The following GNG7 variants were observed in gnomAD, a reference collection of about 807,000 sequenced individuals.
GNG7 encodes guanine nucleotide-binding protein G(I)/G(S)/G(O) subunit gamma-7.
In GNG7, 1 loss-of-function variant was observed where a neutral mutation model predicts 4.0. The ratio of observed to expected loss-of-function variants is 0.25; its 90% confidence interval spans 0.09 to 1.18. GNG7 has a LOEUF of 1.18. GNG7 is among the 50% of genes most tolerant of loss of function. The pLI is 0.50. For synonymous variants in GNG7, 34 were observed against 36.9 expected (o/e 0.92, Z 0.29); for missense variants, 86 against 91.9 (o/e 0.94, Z 0.26).
intron 3 of GNG7, 103 bp from the exon 4 acceptor site, chr19:2,520,828 C>A: frequency 1.7e-6 from 1 of 602,864 alleles, no homozygotes; most frequent in Non-Finnish European, 3.0e-6. Context: ...CTAGGCACGG[C>A]CACTTTGCCT....
chr19:2,553,400 A>ATATACATATG (rs1568240850), intron 3 of GNG7, among the ~76,000 whole-genome samples: 1 of 146,948 alleles, frequency 6.8e-6, no homozygotes, highest in Non-Finnish European at 1.5e-5. Context: ...ATATATACAT[A>ATATACATATG]TATATATGTA....
intron 2 of GNG7, among the ~76,000 whole-genome samples, chr19:2,589,370 ACTTT>A (rs1175653276): frequency 1.4e-5 from 1 of 73,146 alleles, no homozygotes; most frequent in Non-Finnish European, 2.6e-5. Context: ...CTACAGGTGC[ACTTT>A]TTTTTTTTTT....
intron 1 of GNG7, among the ~76,000 whole-genome samples, chr19:2,649,685 G>A (rs1189520694): frequency 6.6e-6 from 1 of 152,138 alleles, no homozygotes. Context: ...ACCGCGCCCA[G>A]CCAGGAATCA....
At chr19:2,665,500 G>T (rs929569204) in intron 1 of GNG7, among the ~76,000 whole-genome samples, 1 of 152,186 alleles carries the variant, frequency 6.6e-6, no homozygotes, top group Non-Finnish European at 1.5e-5. Context: ...GAAAGAAAAT[G>T]AGAACGAACG....
intron 3 of GNG7, among the ~76,000 whole-genome samples, chr19:2,550,680 G>C (rs771329529): frequency 6.6e-6 from 1 of 152,126 alleles, no homozygotes; most frequent in Non-Finnish European, 1.5e-5. Flanking sequence ...CAAGTCTCGT[G>C]ACTCCAATCC....
intron 3 of GNG7, among the ~76,000 whole-genome samples, chr19:2,521,430 T>TG (rs1170216472): frequency 1.3e-5 from 2 of 151,938 alleles, no homozygotes; most frequent in Admixed American, 6.6e-5. Context: ...TCTGTGGCTG[T>TG]GGGGGGTGCT....
intron 1 of GNG7, among the ~76,000 whole-genome samples, chr19:2,664,461 C>T (rs544845878): frequency 2.0e-5 from 3 of 152,256 alleles, no homozygotes; most frequent in South Asian, 4.2e-4. Context: ...ACGGCCAGGC[C>T]GGGCGTGACC....
intron 2 of GNG7, among the ~76,000 whole-genome samples, chr19:2,641,656 CTTTT>C (rs371011913): frequency 2.7e-5 from 4 of 149,588 alleles, no homozygotes; most frequent in Admixed American, 6.7e-5. Context: ...TGTTAGACTT[CTTTT>C]TTTTTTATTT....
intron 3 of GNG7, among the ~76,000 whole-genome samples, chr19:2,541,472 C>T (rs368871897): frequency 6.6e-5 from 10 of 151,436 alleles, no homozygotes; most frequent in East Asian, 3.9e-4. Flanking sequence ...CAGTGGCTCA[C>T]GCCTGTAATC....
chr19:2,516,622 C>T (rs34569523), intron 4 of GNG7, among the ~76,000 whole-genome samples: 40,457 of 152,164 alleles, frequency 0.27, 5,807 homozygotes, highest in South Asian at 0.35. Context: ...ACCCCGTTTT[C>T]GGAGTCCAAG....
chr19:2,553,383 C>CATATAT (rs200287140), intron 3 of GNG7, among the ~76,000 whole-genome samples: 12,424 of 127,340 alleles, frequency 0.098, 697 homozygotes, highest in Non-Finnish European at 0.13. Context: ...TGGTGCTGAG[C>CATATAT]ATATATATAT....
In GNG7 at chr19:2,515,239, C is replaced by T. The variant is rs952034553; in HGVS notation, c.82-92G>A. ...CAGCACCATTCCCAAGAGCCACAGGCGGAAACAGCTCAGGAGCCCATTGAT... is the reference window on the plus strand; with the variant it reads ...CAGCACCATTCCCAAGAGCCACAGGTGGAAACAGCTCAGGAGCCCATTGAT... On this transcript the variant is annotated intron_variant, in intron 4 of 4. Coordinates refer to ENST00000382159, the MANE Select transcript of GNG7 (RefSeq NM_052847.3). 525 of 1,535,432 alleles carry T rather than the reference C, an allele frequency of 3.4e-4. 5 individuals carry two copies. Among genetic ancestry groups the T allele is most frequent in the South Asian group, 5.6e-4 (48 of 85,644 alleles).
At chr19:2,610,835 AC>A (rs1362745332) in intron 2 of GNG7, 1 of 151,604 alleles carries the variant, frequency 6.6e-6, no homozygotes, top group Non-Finnish European at 1.5e-5. Flanking sequence ...GGCCTCAGGG[AC>A]CCAGGTGGCC....
At chr19:2,668,546 G>A (rs1040062450) in intron 1 of GNG7, among the ~76,000 whole-genome samples, 6 of 152,248 alleles carry the variant, frequency 3.9e-5, no homozygotes, top group East Asian at 3.9e-4. Flanking sequence ...GGGAGCCCCC[G>A]GAACACCCGA....
At chr19:2,637,137 C>T (rs1396695146) in intron 2 of GNG7, among the ~76,000 whole-genome samples, 3 of 152,040 alleles carry the variant, frequency 2.0e-5, no homozygotes, top group African/African-American at 4.8e-5. Context: ...CCGTGGGCCT[C>T]CTCTGCCCCC....
chr19:2,570,707 C>T (rs1214102120), intron 2 of GNG7, among the ~76,000 whole-genome samples: 7 of 152,196 alleles, frequency 4.6e-5, no homozygotes, highest in African/African-American at 1.4e-4. Context: ...GAGCAGACAG[C>T]GCTCCTCGGA....
intron 3 of GNG7, among the ~76,000 whole-genome samples, chr19:2,531,892 C>A (rs1978603120): frequency 6.6e-6 from 1 of 152,046 alleles, no homozygotes; most frequent in Non-Finnish European, 1.5e-5. Flanking sequence ...TGGCTCACGC[C>A]TGTAATCCCA....
intron 1 of GNG7, among the ~76,000 whole-genome samples, chr19:2,671,496 C>A (rs62119826): frequency 0.31 from 47,388 of 151,946 alleles, 7,642 homozygotes; most frequent in East Asian, 0.53. Flanking sequence ...GCCGCCTCCC[C>A]GAGACCCGAG....
intron 2 of GNG7, among the ~76,000 whole-genome samples, chr19:2,628,056 T>C (rs901291246): frequency 3.9e-5 from 6 of 152,218 alleles, no homozygotes; most frequent in Non-Finnish European, 8.8e-5. Flanking sequence ...TCAGCTACTG[T>C]TTTCTCCTAT....
Sources: allele counts gnomAD v4.1 joint callset (sites outside exome capture counted in the v4.1 genomes callset), GRCh38; gene constraint gnomAD v4.1.1; transcripts MANE v1.5; gene names NCBI Gene and HGNC (gene_info 2026-07-23, HGNC 2026-07-21).